NPLOC4: variants seen among roughly 807,000 people sequenced by gnomAD.
NPLOC4 encodes the protein NPL4 homolog, ubiquitin recognition factor, also known as nuclear protein localization protein 4 homolog.
A neutral mutation model predicts 80.6 loss-of-function variants in NPLOC4; 18 were observed. That is an observed-to-expected ratio of 0.22 (90% CI 0.15 to 0.33). The LOEUF (loss-of-function observed/expected upper bound fraction) is 0.33, where lower values mean the gene tolerates loss of function less well. NPLOC4 is among the 10% of genes least tolerant of loss of function. The probability of loss-of-function intolerance (pLI) is 1.00; values close to 1 mark genes in which losing one functional copy is unlikely to be tolerated. For synonymous variants in NPLOC4, 313 were observed against 301.5 expected, an observed-to-expected ratio of 1.04 and a Z score of -0.39; for missense variants, 540 against 786.1, an observed-to-expected ratio of 0.69 and a Z score of 3.74.
At chr17:81,595,546 T>C (rs987235046) in intron 11 of NPLOC4, among the ~76,000 whole-genome samples, 4 of 143,108 alleles carry the variant, frequency 2.8e-5, no homozygotes, top group African/African-American at 5.2e-5. Context: ...TTTTTTTTTC[T>C]TTTCTTTTCT....
rs374677358 is a variant in NPLOC4, at chr17:81,614,924, CA to C, written c.210-1431del. ...GGACAGTCTGAGAGGGCAGGATCCACAGCTCTAAACCAACACGGTGAAGGAA... is the reference window on the plus strand; with the variant it reads ...GGACAGTCTGAGAGGGCAGGATCCACGCTCTAAACCAACACGGTGAAGGAA... On this transcript the variant is annotated intron_variant, in intron 3 of 16. Transcript: ENST00000331134. Among the ~76,000 whole-genome samples the C allele has an allele frequency of 4.3e-3, 662 of 152,278 alleles. 7 individuals carry two copies. The highest frequency in any genetic ancestry group is 7.5e-3 in the Non-Finnish European group (512 of 68,030).
chr17:81,576,338 T>C (rs1352040432), intron 12 of NPLOC4, among the ~76,000 whole-genome samples: 1 of 152,216 alleles, frequency 6.6e-6, no homozygotes, highest in Non-Finnish European at 1.5e-5. Flanking sequence ...ACTGAGCAGG[T>C]CCACCTATAG....
At chr17:81,591,447 G>GAAAAGAAA (rs2034737707) in intron 11 of NPLOC4, among the ~76,000 whole-genome samples, 1 of 76,328 alleles carries the variant, frequency 1.3e-5, no homozygotes, top group Non-Finnish European at 2.4e-5. Context: ...GAGTAAAACA[G>GAAAAGAAA]AAAAAAAAAA....
intron 3 of NPLOC4, among the ~76,000 whole-genome samples, chr17:81,618,688 C>T (rs1386983263): frequency 6.6e-6 from 1 of 151,652 alleles, no homozygotes; most frequent in African/African-American, 2.4e-5. Context: ...CCGGCCACCA[C>T]CCCGTCTGGG....
intron 11 of NPLOC4, among the ~76,000 whole-genome samples, chr17:81,593,234 G>A (rs570082158): frequency 4.6e-5 from 7 of 152,120 alleles, no homozygotes; most frequent in Admixed American, 3.3e-4. Flanking sequence ...AATAGTGTAA[G>A]CTGAGGCAAG....
chr17:81,617,677 C>CCCCTCT (rs2035538146), intron 3 of NPLOC4, among the ~76,000 whole-genome samples: 2 of 151,546 alleles, frequency 1.3e-5, no homozygotes, highest in Admixed American at 6.6e-5. Context: ...CCTCCCCCTC[C>CCCCTCT]GTCTCTTTCC....
intron 10 of NPLOC4, among the ~76,000 whole-genome samples, 186 bp downstream of exon 10, chr17:81,597,058 AG>A (rs1481863214): frequency 6.6e-6 from 1 of 152,086 alleles, no homozygotes; most frequent in African/African-American, 2.4e-5. Flanking sequence ...GCTAGCGGTG[AG>A]CAGAGATTGC....
chr17:81,611,103 T>C (rs1479054844), intron 4 of NPLOC4, among the ~76,000 whole-genome samples: 1 of 151,924 alleles, frequency 6.6e-6, no homozygotes, highest in Non-Finnish European at 1.5e-5. Context: ...GTGGATCACC[T>C]GAGGTCAGGA....
At chr17:81,610,541 T>C (rs2035313903) in intron 4 of NPLOC4, among the ~76,000 whole-genome samples, 1 of 152,226 alleles carries the variant, frequency 6.6e-6, no homozygotes, top group African/African-American at 2.4e-5. Flanking sequence ...TCCCCGAGTA[T>C]CTGGGACTCC....
At chr17:81,595,932 A>G (rs567834978) in intron 11 of NPLOC4, among the ~76,000 whole-genome samples, 184 bp downstream of exon 11, 2 of 117,938 alleles carry the variant, frequency 1.7e-5, no homozygotes, top group African/African-American at 6.3e-5. Context: ...GTTTGTGTTT[A>G]TATAGTTTTA....
intron 3 of NPLOC4, among the ~76,000 whole-genome samples, chr17:81,618,466 A>G (rs75078292): frequency 0.74 from 109,967 of 148,948 alleles, 41,599 homozygotes; most frequent in East Asian, 0.99. Flanking sequence ...CCTGGCAGCC[A>G]CCCCGTCCGG....
intron 12 of NPLOC4, among the ~76,000 whole-genome samples, chr17:81,581,711 A>G (rs2034445785): frequency 6.6e-6 from 1 of 152,240 alleles, no homozygotes; most frequent in Admixed American, 6.5e-5. Context: ...AGGCACAGCT[A>G]CAAAGCCAAG....
intron 11 of NPLOC4, 126 bp downstream of exon 11, chr17:81,595,990 T>G: frequency 1.1e-6 from 1 of 923,268 alleles, no homozygotes; most frequent in Non-Finnish European, 1.6e-6. Flanking sequence ...AAGGAGGAAT[T>G]TATATCCCAC....
At position 81,613,362 on chromosome 17, in the gene NPLOC4, G is replaced by A. The variant is rs1168453267; in HGVS notation, c.342C>T (p.Leu114=). Residue 114 remains leucine (L), a synonymous_variant, in exon 4 of 17, where the codon CTC becomes CTT. Coordinates refer to ENST00000331134, the MANE Select transcript of NPLOC4 (RefSeq NM_017921.4). ...NVVEDEIDQY[L]SKQDGKIYRS... is the part of the protein sequence containing the mutation. ...TGTAAATCTTCCCGTCCTGTTTGCT[G>A]AGGTACTGATCAATCTCATCCTCCA... is the stretch of plus-strand genomic sequence containing the variant. 1 of 1,613,934 alleles carries A rather than the reference G, an allele frequency of 6.2e-7. No individual in the cohort carries two copies. Among genetic ancestry groups the A allele is most frequent in the Non-Finnish European group, 8.5e-7 (1 of 1,179,888 alleles).
intron 12 of NPLOC4, among the ~76,000 whole-genome samples, chr17:81,582,178 G>A (rs1414139450): frequency 3.3e-5 from 5 of 152,218 alleles, no homozygotes; most frequent in Non-Finnish European, 7.3e-5. Context: ...CCAAGCTGAG[G>A]CCCAGCGGTT....
In NPLOC4 at chr17:81,581,297, C is replaced by G. The variant is rs538564321; in HGVS notation, c.1281+7647G>C. On this transcript the variant is annotated intron_variant, in intron 12 of 16. Transcript: ENST00000331134. ...CTGGGAGGCGGAGGTTGTAGTGAGC[C>G]GAGATTGGGCCACTGCATTCCAGCC... Among the ~76,000 whole-genome samples the G allele has an allele frequency of 7.9e-4, 105 of 132,894 alleles. No homozygotes were observed. In the South Asian group the frequency reaches 8.2e-3, roughly 10 times the overall value. 87.2% of individuals were successfully genotyped at this position (132,894 alleles called of 152,430 possible). A position where few individuals can be genotyped will look rare whatever the true frequency, so the allele number is the denominator to read the frequency against.
At chr17:81,618,485 T>TGG (rs200227739) in intron 3 of NPLOC4, among the ~76,000 whole-genome samples, 1 of 144,958 alleles carries the variant, frequency 6.9e-6, no homozygotes, top group Non-Finnish European at 1.5e-5. Context: ...GGGAGGAAGG[T>TGG]GGGGGGTCAG....
chr17:81,636,001 C>G (rs137978577), intron 1 of NPLOC4, among the ~76,000 whole-genome samples: 1 of 148,580 alleles, frequency 6.7e-6, no homozygotes, highest in East Asian at 2.0e-4. Context: ...GAGACGCAGT[C>G]TCGCTCTATA....
At chr17:81,629,211 G>C (rs1317263857) in intron 2 of NPLOC4, among the ~76,000 whole-genome samples, 2 of 35,064 alleles carry the variant, frequency 5.7e-5, no homozygotes, top group African/African-American at 1.3e-4. Flanking sequence ...TTTTTTTTTT[G>C]AGATGGAGTC....
Sources: gnomAD v4.1 joint callset for allele counts (sites outside exome capture counted in the v4.1 genomes callset) on GRCh38, gnomAD v4.1.1 for gene constraint, MANE v1.5 for transcripts, NCBI Gene and HGNC (gene_info 2026-07-23, HGNC 2026-07-21) for gene names.